CNTNAP4: variants seen among roughly 807,000 people sequenced by gnomAD.
The protein encoded by CNTNAP4 is contactin associated protein family member 4.
Under a neutral mutation model 148.4 loss-of-function variants are expected in CNTNAP4, and 98 were observed. The ratio of observed to expected loss-of-function variants is 0.66; its 90% CI spans 0.56 to 0.78. CNTNAP4 has a LOEUF of 0.78. CNTNAP4 is among the 30% of genes least tolerant of loss of function. The pLI, the probability that CNTNAP4 is intolerant of heterozygous loss-of-function variation, is 0.00. For missense variants in CNTNAP4, 1,935 were observed against 1,565.6 expected, an observed-to-expected ratio of 1.24 and a Z score of -3.98; for synonymous variants, 730 against 565.1, an observed-to-expected ratio of 1.29 and a Z score of -4.14.
chr16:76,437,066 C>G (rs1415783561), intron 4 of CNTNAP4, among the ~76,000 whole-genome samples: 3 of 151,714 alleles, frequency 2.0e-5, no homozygotes, highest in Non-Finnish European at 4.4e-5. Context: ...AGCTGAGGAG[C>G]AAGGAAGCTA....
At chr16:76,490,604 C>G (rs1317432132) in intron 13 of CNTNAP4, among the ~76,000 whole-genome samples, 1 of 152,156 alleles carries the variant, frequency 6.6e-6, no homozygotes, top group East Asian at 1.9e-4. Flanking sequence ...TCTAACCATC[C>G]AATGCAAAAT....
chr16:76,323,141 C>T (rs1962606256), intron 2 of CNTNAP4, among the ~76,000 whole-genome samples: 1 of 152,110 alleles, frequency 6.6e-6, no homozygotes, highest in Admixed American at 6.5e-5. Flanking sequence ...GCCACTGTAT[C>T]TGGCAATATT....
chr16:76,430,764 C>T (rs941409268), intron 4 of CNTNAP4, among the ~76,000 whole-genome samples: 3 of 152,114 alleles, frequency 2.0e-5, no homozygotes, highest in African/African-American at 7.2e-5. Context: ...TCGCAGACTG[C>T]TTCATCTCTT....
chr16:76,411,053 T>C (rs2078774755), intron 3 of CNTNAP4, among the ~76,000 whole-genome samples: 1 of 151,490 alleles, frequency 6.6e-6, no homozygotes, highest in Admixed American at 6.6e-5. Flanking sequence ...CATACACTAG[T>C]ATCATTATTA....
intron 3 of CNTNAP4, among the ~76,000 whole-genome samples, chr16:76,398,629 CATG>C (rs1223255957): frequency 6.6e-6 from 1 of 152,094 alleles, no homozygotes; most frequent in Admixed American, 6.6e-5. Flanking sequence ...TACTACATAA[CATG>C]AGGGGTGCCG....
chr16:76,499,989 CTCTT>C (rs1349812324), intron 15 of CNTNAP4, among the ~76,000 whole-genome samples: 1 of 152,138 alleles, frequency 6.6e-6, no homozygotes. Flanking sequence ...AATCTGATCT[CTCTT>C]TCTTTTCCCC....
Position 76,374,922 on chromosome 16 carries a change from T to G in CNTNAP4, c.390+19411T>G, listed in dbSNP as rs1376906094. On this transcript the variant is annotated intron_variant, in intron 3 of 23. Coordinates refer to ENST00000611870, the MANE Select transcript of CNTNAP4 (RefSeq NM_033401.5). Reference sequence around the variant, plus strand: ...TAGCTGGGATTAAGGTGCCTGCCACTATGCCTGGCTAATTTTTGTCTTTTT... The same window carrying G: ...TAGCTGGGATTAAGGTGCCTGCCACGATGCCTGGCTAATTTTTGTCTTTTT... 2.6e-5 allele frequency among the ~76,000 whole-genome samples: 4 copies of G among 151,898 alleles called. No individual in the cohort carries two copies. The South Asian group carries it at 8.3e-4, about 32-fold the overall frequency.
chr16:76,442,593 G>A (rs2080087636), intron 4 of CNTNAP4, among the ~76,000 whole-genome samples: 1 of 152,092 alleles, frequency 6.6e-6, no homozygotes, highest in African/African-American at 2.4e-5. Flanking sequence ...AAGGTCAAAA[G>A]GGATGTGGAA....
chr16:76,278,583 G>A (rs72626195), intron 1 of CNTNAP4, among the ~76,000 whole-genome samples: 6,734 of 152,140 alleles, frequency 0.044, 341 homozygotes, highest in East Asian at 0.27. Context: ...AGTTATCTTT[G>A]GCTTAAATTC....
chr16:76,429,327 G>A (rs151247245), intron 4 of CNTNAP4, among the ~76,000 whole-genome samples: 52 of 152,246 alleles, frequency 3.4e-4, no homozygotes, highest in African/African-American at 1.1e-3. Context: ...ATTTCAAAGT[G>A]CTTCCTGTTT....
intron 3 of CNTNAP4, among the ~76,000 whole-genome samples, chr16:76,414,062 A>G (rs2078895279): frequency 6.6e-6 from 1 of 151,312 alleles, no homozygotes; most frequent in Admixed American, 6.6e-5. Context: ...TTCTTGCCTT[A>G]TTACACTAAC....
intron 3 of CNTNAP4, among the ~76,000 whole-genome samples, chr16:76,403,985 C>A (rs1177375624): frequency 6.6e-6 from 1 of 151,998 alleles, no homozygotes; most frequent in Non-Finnish European, 1.5e-5. Context: ...TAAGTGGAAG[C>A]TAAATGATGA....
At chr16:76,432,242 C>G (rs1237275265) in intron 4 of CNTNAP4, among the ~76,000 whole-genome samples, 1 of 152,114 alleles carries the variant, frequency 6.6e-6, no homozygotes, top group Non-Finnish European at 1.5e-5. Context: ...CAAGCCTATC[C>G]TGTGATTATT....
At chr16:76,470,663 C>T (rs997538830) in intron 10 of CNTNAP4, among the ~76,000 whole-genome samples, 3 of 150,980 alleles carry the variant, frequency 2.0e-5, no homozygotes, top group African/African-American at 4.9e-5. Context: ...AAAACAAAAA[C>T]AAACAAACAA....
intron 3 of CNTNAP4, among the ~76,000 whole-genome samples, chr16:76,375,243 A>G (rs1386107999): frequency 2.0e-5 from 3 of 152,010 alleles, no homozygotes; most frequent in Non-Finnish European, 4.4e-5. Flanking sequence ...TTAACATGGT[A>G]AAACCCTGTC....
intron 17 of CNTNAP4, among the ~76,000 whole-genome samples, chr16:76,523,435 CT>C (rs2083575501): frequency 6.6e-6 from 1 of 151,578 alleles, no homozygotes; most frequent in Admixed American, 6.6e-5. Context: ...AATGTTGTTC[CT>C]TTATTTCCTA....
chr16:76,361,238 G>A (rs1389666673), intron 3 of CNTNAP4, among the ~76,000 whole-genome samples: 2 of 152,124 alleles, frequency 1.3e-5, no homozygotes, highest in Admixed American at 6.6e-5. Flanking sequence ...AGGCAGATCT[G>A]CAGGACTCAA....
At chr16:76,503,886 C>G (rs1260726197) in intron 15 of CNTNAP4, among the ~76,000 whole-genome samples, 2 of 151,596 alleles carry the variant, frequency 1.3e-5, no homozygotes, top group African/African-American at 2.4e-5. Context: ...TTTAAAAGTA[C>G]CATTTTTATA....
At chr16:76,534,305 G>A (rs932706543) in intron 17 of CNTNAP4, among the ~76,000 whole-genome samples, 44 of 152,326 alleles carry the variant, frequency 2.9e-4, no homozygotes, top group Non-Finnish European at 4.7e-4. Flanking sequence ...CTTGTTGAAT[G>A]AAGGCTAGGT....
Sources: allele counts gnomAD v4.1 joint callset (sites outside exome capture counted in the v4.1 genomes callset), GRCh38; gene constraint gnomAD v4.1.1; transcripts MANE v1.5; gene names NCBI Gene and HGNC (gene_info 2026-07-23, HGNC 2026-07-21).